The following SAMD8 variants were observed in gnomAD, a reference collection of about 807,000 sequenced individuals.
SAMD8 encodes sphingomyelin synthase-related protein 1.
Under a neutral mutation model 42.0 loss-of-function variants are expected in SAMD8, and 20 were observed. The ratio of observed to expected loss-of-function variants is 0.48; its 90% CI spans 0.34 to 0.69. The LOEUF is 0.69. Ranked by LOEUF, SAMD8 falls within the 30% of genes least tolerant of loss-of-function variation. The pLI is 0.01. For synonymous variants in SAMD8, 162 were observed against 173.0 expected, an observed-to-expected ratio of 0.94 and a Z score of 0.50; for missense variants, 328 against 511.6, an observed-to-expected ratio of 0.64 and a Z score of 3.46.
At chr10:75,112,540 AG>A (rs1170042557) in intron 1 of SAMD8, among the ~76,000 whole-genome samples, 1 of 152,184 alleles carries the variant, frequency 6.6e-6, no homozygotes, top group Non-Finnish European at 1.5e-5. Context: ...GACTGGGGGA[AG>A]TAGTGGAGAG....
At chr10:75,142,246 C>G (rs1210803091) in intron 1 of SAMD8, among the ~76,000 whole-genome samples, 5 of 151,376 alleles carry the variant, frequency 3.3e-5, no homozygotes, top group African/African-American at 1.2e-4. Context: ...ACATGCCCAG[C>G]CTTTGTTATT....
intron 1 of SAMD8, among the ~76,000 whole-genome samples, chr10:75,101,660 T>G (rs1242412844): frequency 2.0e-5 from 3 of 152,154 alleles, no homozygotes; most frequent in Non-Finnish European, 4.4e-5. Context: ...CAGAGTCACA[T>G]AGCCAATTGA....
At chr10:75,164,261 C>T (rs1304870181) in intron 2 of SAMD8, among the ~76,000 whole-genome samples, 2 of 152,138 alleles carry the variant, frequency 1.3e-5, no homozygotes, top group Non-Finnish European at 2.9e-5. Flanking sequence ...AGTTCAAACC[C>T]TGATTGTTTG....
At chr10:75,108,391 G>T, upstream of SAMD8, 1 of 1,149,650 alleles carries the variant, frequency 8.7e-7, no homozygotes, top group Non-Finnish European at 1.2e-6. Flanking sequence ...CTTTCTGGTG[G>T]CTGAGCCGGC....
Position 75,111,712 on chromosome 10 carries a change from G to C in SAMD8, c.-26G>C, listed in dbSNP as rs1021846399. 5 of 1,234,096 alleles carry C rather than the reference G, an allele frequency of 4.1e-6. No homozygotes were observed. The highest frequency in any genetic ancestry group is 6.3e-5 in the East Asian group (2 of 31,722). 76.4% of individuals were successfully genotyped at this position (1,234,096 alleles called of 1,614,324 possible). A position where few individuals can be genotyped will look rare whatever the true frequency, so the allele number is the denominator to read the frequency against. The stretch of plus-strand genomic sequence containing the variant: ...GAGGTGGGTCCGGGGAGCCCGACTC[G>C]GACCGCGGAGGTGAGCGGGAGCTGA... On this transcript the variant is annotated 5_prime_UTR_variant, in exon 1 of 6. Transcript: ENST00000542569.
At chr10:75,141,667 G>A (rs1589953259) in intron 1 of SAMD8, among the ~76,000 whole-genome samples, 1 of 150,708 alleles carries the variant, frequency 6.6e-6, no homozygotes, top group African/African-American at 2.4e-5. Context: ...TCAGCCTCCC[G>A]AGTAGCTGGG....
At chr10:75,141,663 T>G (rs1840019533) in intron 1 of SAMD8, among the ~76,000 whole-genome samples, 1 of 150,916 alleles carries the variant, frequency 6.6e-6, no homozygotes, top group Non-Finnish European at 1.5e-5. Flanking sequence ...TGCCTCAGCC[T>G]CCCGAGTAGC....
At chr10:75,164,405 C>G in intron 2 of SAMD8, 1 of 401,126 alleles carries the variant, frequency 2.5e-6, no homozygotes, top group Non-Finnish European at 3.3e-6. Flanking sequence ...TTTTTTTCCT[C>G]TGGTATTTGC....
chr10:75,122,755 ACCC>A (rs970936671), intron 1 of SAMD8, among the ~76,000 whole-genome samples: 1 of 152,002 alleles, frequency 6.6e-6, no homozygotes, highest in Non-Finnish European at 1.5e-5. Context: ...CCCGTCTCTT[ACCC>A]CTTCCCCAAA....
intron 3 of SAMD8, among the ~76,000 whole-genome samples, chr10:75,167,646 G>A (rs776458094): frequency 6.6e-6 from 1 of 152,130 alleles, no homozygotes; most frequent in Non-Finnish European, 1.5e-5. Flanking sequence ...AAGCTAGAGT[G>A]CAGTGGCACA....
chr10:75,170,254 C>T (rs117415686), intron 4 of SAMD8, among the ~76,000 whole-genome samples: 1,957 of 152,326 alleles, frequency 0.013, 17 homozygotes, highest in Non-Finnish European at 0.019. Context: ...TGTGTTCTCA[C>T]ATATTCAAAT....
chr10:75,134,289 G>A (rs994364481), intron 1 of SAMD8, among the ~76,000 whole-genome samples: 2 of 152,226 alleles, frequency 1.3e-5, no homozygotes, highest in East Asian at 1.9e-4. Flanking sequence ...CATGGCACAC[G>A]TTTACCTGTA....
chr10:75,157,904 A>C (rs543782354), intron 2 of SAMD8, among the ~76,000 whole-genome samples: 24 of 152,336 alleles, frequency 1.6e-4, no homozygotes, highest in Non-Finnish European at 2.6e-4. Flanking sequence ...TCACGCCTAT[A>C]ATCCCAGCAC....
intron 1 of SAMD8, among the ~76,000 whole-genome samples, chr10:75,126,558 A>G (rs1346577895): frequency 6.7e-6 from 1 of 149,712 alleles, no homozygotes; most frequent in Admixed American, 6.7e-5. Flanking sequence ...CTGGAGTACA[A>G]TGGCATGATC....
chr10:75,113,636 A>G (rs763547965), intron 1 of SAMD8, among the ~76,000 whole-genome samples: 8 of 152,230 alleles, frequency 5.3e-5, no homozygotes, highest in Non-Finnish European at 8.8e-5. Flanking sequence ...TGTATGGGCT[A>G]TGTGACATAC....
At chr10:75,132,235 G>A (rs1849289894) in intron 1 of SAMD8, among the ~76,000 whole-genome samples, 1 of 152,156 alleles carries the variant, frequency 6.6e-6, no homozygotes, top group Non-Finnish European at 1.5e-5. Context: ...TGCCCAAGAC[G>A]ATCTGTTTTT....
chr10:75,116,449 G>GTATCT (rs1827261416), intron 1 of SAMD8, among the ~76,000 whole-genome samples: 1 of 152,142 alleles, frequency 6.6e-6, no homozygotes, highest in Non-Finnish European at 1.5e-5. Flanking sequence ...GAGGACAAGA[G>GTATCT]GTAGTAACAT....
intron 3 of SAMD8, 84 bp from the exon 4 acceptor site, chr10:75,168,457 T>C (rs1473737202): frequency 2.6e-6 from 4 of 1,559,872 alleles, no homozygotes; most frequent in African/African-American, 2.8e-5. Context: ...CTGTTTGCTC[T>C]TCCTTGAAGT....
chr10:75,166,118 A>C (rs1178937230), intron 3 of SAMD8, among the ~76,000 whole-genome samples: 1 of 152,096 alleles, frequency 6.6e-6, no homozygotes, highest in African/African-American at 2.4e-5. Flanking sequence ...AGACGAAAGA[A>C]TTTATTTACT....
Sources: allele counts gnomAD v4.1 joint callset (sites outside exome capture counted in the v4.1 genomes callset), GRCh38; gene constraint gnomAD v4.1.1; transcripts MANE v1.5; gene names NCBI Gene and HGNC (gene_info 2026-07-23, HGNC 2026-07-21).